Variants in SEH1L observed in about 807,000 individuals in gnomAD.
SEH1L encodes the protein nucleoporin SEH1.
Under a neutral mutation model 49.5 loss-of-function variants are expected in SEH1L, and 18 were observed. That is an observed-to-expected ratio of 0.36 (90% CI 0.25 to 0.54). The LOEUF (loss-of-function observed/expected upper bound fraction) is 0.54. Among genes scored for constraint, SEH1L ranks in the 20% least tolerant of loss-of-function variants. The probability of loss-of-function intolerance (pLI) is 0.87; values close to 1 mark genes in which losing one functional copy is unlikely to be tolerated. For missense variants in SEH1L, 404 were observed against 528.8 expected (o/e 0.76, Z 2.31); for synonymous variants, 169 against 178.1 (o/e 0.95, Z 0.41).
In SEH1L at chr18:12,955,550, G is replaced by A. The variant is rs759827567; in HGVS notation, c.250G>A (p.Ala84Thr). 6.2e-7 allele frequency: 1 copy of A among 1,613,946 alleles called. No individual in the cohort carries two copies. The highest frequency in any genetic ancestry group is 8.5e-7 in the Non-Finnish European group (1 of 1,179,984). Reference protein sequence around the residue: ...LASCSFDRTAAVWEEIVGESN... With the variant: ...LASCSFDRTATVWEEIVGESN... ...TTCCTGTTCTTTTGACCGAACAGCT[G>A]CTGTATGGGAAGAAATAGTAGGAGA... is the stretch of plus-strand genomic sequence containing the variant. The change falls in exon 3 of 9, where the codon GCT becomes ACT. Residue 84 changes from alanine (A) to threonine (T), a missense_variant. By Grantham distance (58) the Ala-to-Thr change is moderately conservative (BLOSUM62 0). Coordinates refer to ENST00000399892, the MANE Select transcript of SEH1L (RefSeq NM_001013437.2).
At chr18:12,949,130 G>C (rs1449879041) in intron 1 of SEH1L, among the ~76,000 whole-genome samples, 1 of 150,700 alleles carries the variant, frequency 6.6e-6, no homozygotes, top group Non-Finnish European at 1.5e-5. Flanking sequence ...GCCTCCCAAA[G>C]TGCTGGGATT....
At position 12,987,089 on chromosome 18, in the gene SEH1L, A is replaced by G; in HGVS notation, c.*32A>G. 1 of 1,427,172 alleles carries G rather than the reference A, an allele frequency of 7.0e-7. No individual in the cohort carries two copies. The highest frequency in any genetic ancestry group is 9.6e-7 in the Non-Finnish European group (1 of 1,045,462). 88.4% of individuals were successfully genotyped at this position (1,427,172 alleles called of 1,614,324 possible). A position where few individuals can be genotyped will look rare whatever the true frequency, so the allele number is the denominator to read the frequency against. On this transcript the variant is annotated 3_prime_UTR_variant, in exon 9 of 9. Coordinates refer to ENST00000399892, the MANE Select transcript of SEH1L (RefSeq NM_001013437.2). Reference sequence around the variant, plus strand: ...GATTTAACATTGAAAGGCCTTATTCAAGTGCTTGTAAATGCTTTCATTTCT... The same window carrying G: ...GATTTAACATTGAAAGGCCTTATTCGAGTGCTTGTAAATGCTTTCATTTCT...
At chr18:12,968,372 G>A (rs548425417) in intron 4 of SEH1L, among the ~76,000 whole-genome samples, 2 of 152,318 alleles carry the variant, frequency 1.3e-5, no homozygotes, top group South Asian at 2.1e-4. Flanking sequence ...CCATTGGGGC[G>A]CAGTTCCTTC....
chr18:12,983,969 C>A, intron 7 of SEH1L, 71 bp from the exon 8 acceptor site: 2 of 1,196,422 alleles, frequency 1.7e-6, no homozygotes, highest in Non-Finnish European at 2.4e-6. Flanking sequence ...AGTTTAAGGA[C>A]ATGGGTACAG....
intron 3 of SEH1L, among the ~76,000 whole-genome samples, chr18:12,956,423 G>A (rs377723866): frequency 6.8e-6 from 1 of 147,862 alleles, no homozygotes; most frequent in Non-Finnish European, 1.5e-5. Context: ...CATGTCACAC[G>A]CCATACAGAT....
At chr18:12,983,693 G>T (rs1417944669) in intron 7 of SEH1L, among the ~76,000 whole-genome samples, 1 of 152,128 alleles carries the variant, frequency 6.6e-6, no homozygotes, top group African/African-American at 2.4e-5. Flanking sequence ...ACATACATAT[G>T]TAAGTGAAAT....
chr18:12,975,003 T>A (rs57472937), intron 5 of SEH1L, among the ~76,000 whole-genome samples: 11,983 of 151,714 alleles, frequency 0.079, 701 homozygotes, highest in East Asian at 0.21. Context: ...ATTTTATTTT[T>A]TTTTTTGAGA....
chr18:12,957,155 C>T (rs1173001002), intron 3 of SEH1L, among the ~76,000 whole-genome samples: 1 of 152,032 alleles, frequency 6.6e-6, no homozygotes, highest in African/African-American at 2.4e-5. Flanking sequence ...CGGCCGGGTG[C>T]GGTGGCTCAC....
intron 8 of SEH1L, chr18:12,985,800 A>G: frequency 1.1e-6 from 1 of 942,650 alleles, no homozygotes; most frequent in Non-Finnish European, 1.3e-6. Flanking sequence ...ATTTCTTTGT[A>G]ATATTTAAAA....
chr18:12,975,252 A>G (rs1168632696), intron 5 of SEH1L, among the ~76,000 whole-genome samples: 1 of 152,084 alleles, frequency 6.6e-6, no homozygotes, highest in Non-Finnish European at 1.5e-5. Context: ...TCGGCCTCCC[A>G]AAGTGTTGGG....
intron 5 of SEH1L, chr18:12,975,865 G>C (rs2031896618): frequency 1.0e-6 from 1 of 985,646 alleles, no homozygotes; most frequent in Admixed American, 6.1e-5. Flanking sequence ...TGTCTAGGAG[G>C]CACCAGCTGT....
intron 3 of SEH1L, among the ~76,000 whole-genome samples, chr18:12,956,993 G>T (rs555674764): frequency 6.6e-6 from 1 of 152,000 alleles, no homozygotes; most frequent in East Asian, 1.9e-4. Context: ...GTGTGAACCC[G>T]GGAGGCGGAG....
rs936271138 is a variant in SEH1L, at chr18:12,948,263, C to G, written c.111+31C>G. 13 of 1,542,246 alleles carry G rather than the reference C, an allele frequency of 8.4e-6. No homozygotes were observed. The African/African-American group carries it at 1.4e-4, about 16-fold the overall frequency. ...CGCGGCGCTTGCGGGCGGGGCCGAC[C>G]CCGGAAGGAAGGAAGGGGAGTGGGT... On this transcript the variant is annotated intron_variant, in intron 1 of 8. Transcript: ENST00000399892.
intron 5 of SEH1L, chr18:12,974,279 TTC>T (rs955093244): frequency 6.6e-6 from 1 of 152,244 alleles, no homozygotes; most frequent in Non-Finnish European, 1.5e-5. Flanking sequence ...GTTTATCTTT[TTC>T]TCTCTTTTTT....
At position 12,950,969 on chromosome 18, in the gene SEH1L, G is replaced by A. The variant is rs1443260399; in HGVS notation, c.112-886G>A. Among the ~76,000 whole-genome samples, 11 of 152,078 alleles carry A rather than the reference G, an allele frequency of 7.2e-5. 1 individual carries two copies. Among genetic ancestry groups the A allele is most frequent in the Admixed American group, 6.5e-4 (10 of 15,268 alleles). On this transcript the variant is annotated intron_variant, in intron 1 of 8. Transcript: ENST00000399892. ...CTTGAGTAGCTGGGACTACAGGTGT[G>A]CACCACCATGCCTGGTTTCAATATT...
chr18:12,987,091 G>T lies in SEH1L; in HGVS notation c.*34G>T. The stretch of plus-strand genomic sequence containing the variant: ...TTTAACATTGAAAGGCCTTATTCAA[G>T]TGCTTGTAAATGCTTTCATTTCTGG... On this transcript the variant is annotated 3_prime_UTR_variant, in exon 9 of 9. Coordinates refer to ENST00000399892, the MANE Select transcript of SEH1L (RefSeq NM_001013437.2). 7.0e-7 allele frequency: 1 copy of T among 1,430,618 alleles called. No homozygotes were observed. Among genetic ancestry groups the T allele is most frequent in the Non-Finnish European group, 9.5e-7 (1 of 1,048,236 alleles). 88.6% of individuals were successfully genotyped at this position (1,430,618 alleles called of 1,614,324 possible).
intron 3 of SEH1L, among the ~76,000 whole-genome samples, chr18:12,956,680 A>G (rs2145613424): frequency 6.7e-6 from 1 of 149,118 alleles, no homozygotes; most frequent in Non-Finnish European, 1.5e-5. Flanking sequence ...ATGCTTCTGA[A>G]GTCCAGTTCT....
At chr18:12,951,307 T>C (rs1329160859) in intron 1 of SEH1L, among the ~76,000 whole-genome samples, 1 of 152,258 alleles carries the variant, frequency 6.6e-6, no homozygotes, top group African/African-American at 2.4e-5. Context: ...GCGTAGTGAC[T>C]GTAACTAATT....
intron 4 of SEH1L, 112 bp from the exon 5 acceptor site, chr18:12,971,041 G>A: frequency 4.3e-6 from 3 of 705,520 alleles, no homozygotes; most frequent in Non-Finnish European, 7.6e-6. Context: ...TTCACTAGTA[G>A]TGTGACAGGC....
Sources: allele counts gnomAD v4.1 joint callset (sites outside exome capture counted in the v4.1 genomes callset), GRCh38; gene constraint gnomAD v4.1.1; transcripts MANE v1.5; gene names NCBI Gene and HGNC (gene_info 2026-07-23, HGNC 2026-07-21).